SYT1: variants seen among roughly 807,000 people sequenced by gnomAD.
SYT1 encodes synaptotagmin 1.
Under a neutral mutation model 44.8 loss-of-function variants are expected in SYT1, and 8 were observed. The observed-to-expected ratio is 0.18, with a 90% CI of 0.10 to 0.32. SYT1 has a LOEUF of 0.32. Ranked by LOEUF, SYT1 falls within the 10% of genes least tolerant of loss-of-function variation. The pLI, the probability that SYT1 is intolerant of heterozygous loss-of-function variation, is 1.00. For missense variants in SYT1, 286 were observed against 509.3 expected (o/e 0.56, Z 4.22); for synonymous variants, 154 against 188.8 (o/e 0.82, Z 1.51).
chr12:79,331,259 TA>T (rs1390290112), intron 8 of SYT1, among the ~76,000 whole-genome samples: 1 of 152,188 alleles, frequency 6.6e-6, no homozygotes, highest in Non-Finnish European at 1.5e-5. Context: ...ACATTTTCTT[TA>T]AATTTTTCCC....
At chr12:79,268,189 A>G (rs891969184) in intron 4 of SYT1, among the ~76,000 whole-genome samples, 1 of 152,226 alleles carries the variant, frequency 6.6e-6, no homozygotes, top group African/African-American at 2.4e-5. Context: ...ATATCAAAAC[A>G]ATATGATATA....
intron 1 of SYT1, among the ~76,000 whole-genome samples, chr12:78,881,696 G>A (rs969829867): frequency 9.2e-5 from 14 of 151,410 alleles, no homozygotes; most frequent in Non-Finnish European, 1.6e-4. Flanking sequence ...AGTAACCTTC[G>A]CTTGGTAATT....
chr12:79,368,806 T>A (rs1307914329), intron 9 of SYT1, among the ~76,000 whole-genome samples: 1 of 152,204 alleles, frequency 6.6e-6, no homozygotes, highest in East Asian at 1.9e-4. Context: ...TAGCCCTTTG[T>A]CAGATGAGCA....
At position 79,180,143 on chromosome 12, in the gene SYT1, T is replaced by A. The variant is rs183684335; in HGVS notation, c.-17-37360T>A. Among the ~76,000 whole-genome samples the A allele has an allele frequency of 2.7e-4, 41 of 152,248 alleles. No individual in the cohort carries two copies. In the East Asian group the frequency reaches 4.5e-3, roughly 17 times the overall value. The stretch of plus-strand genomic sequence containing the variant: ...TGTCAGATATTGCCAAATTTCCCTC[T>A]ATTAGAAATTGTACCATTTTGCATT... On this transcript the variant is annotated intron_variant, in intron 3 of 10. Transcript: ENST00000261205.
chr12:78,986,283 A>G (rs1481949221), intron 2 of SYT1, among the ~76,000 whole-genome samples: 1 of 151,972 alleles, frequency 6.6e-6, no homozygotes, highest in Non-Finnish European at 1.5e-5. Context: ...CTTTTTGTAT[A>G]TCTCTGATAA....
Position 79,323,188 on chromosome 12 carries a change from C to T in SYT1, c.810+23637C>T, listed in dbSNP as rs116692510. Among the ~76,000 whole-genome samples, 1,118 of 151,722 alleles carry T rather than the reference C, an allele frequency of 7.4e-3. 14 individuals carry two copies. The highest frequency in any genetic ancestry group is 0.026 in the African/African-American group (1,068 of 41,368). ...GACCTATCACAGCAGGACATACTCT[C>T]TACAATTACTTTGACAAACAATGGT... On this transcript the variant is annotated intron_variant, in intron 8 of 10. Coordinates refer to ENST00000261205, the MANE Select transcript of SYT1 (RefSeq NM_005639.3).
chr12:78,936,268 C>T (rs1878052393), intron 1 of SYT1, among the ~76,000 whole-genome samples: 1 of 152,210 alleles, frequency 6.6e-6, no homozygotes, highest in South Asian at 2.1e-4. Flanking sequence ...ATTGTTTCCT[C>T]ATTTGTAACA....
At chr12:79,253,905 C>A (rs1877370782) in intron 4 of SYT1, among the ~76,000 whole-genome samples, 1 of 152,172 alleles carries the variant, frequency 6.6e-6, no homozygotes, top group African/African-American at 2.4e-5. Context: ...AAGATCCTAA[C>A]TCTCTTCACA....
At chr12:79,127,991 CAG>C (rs1398919466) in intron 3 of SYT1, among the ~76,000 whole-genome samples, 2 of 152,080 alleles carry the variant, frequency 1.3e-5, no homozygotes, top group African/African-American at 4.8e-5. Flanking sequence ...GACAGAAAAA[CAG>C]AAACAGTCAT....
chr12:79,117,465 A>G (rs1879337484), intron 3 of SYT1, among the ~76,000 whole-genome samples: 1 of 151,272 alleles, frequency 6.6e-6, no homozygotes, highest in Non-Finnish European at 1.5e-5. Flanking sequence ...TCACTCTTCA[A>G]GAGTAAACTC....
At chr12:79,080,166 T>C (rs560620682) in intron 3 of SYT1, among the ~76,000 whole-genome samples, 4 of 152,302 alleles carry the variant, frequency 2.6e-5, no homozygotes, top group African/African-American at 9.6e-5. Context: ...ATTAACTTAT[T>C]GGTCCTATAG....
chr12:79,100,121 C>T (rs374585080), intron 3 of SYT1, among the ~76,000 whole-genome samples: 25 of 151,988 alleles, frequency 1.6e-4, no homozygotes, highest in African/African-American at 2.4e-4. Context: ...TAATAACGAA[C>T]ATTTGGAGTG....
chr12:79,042,823 G>T (rs1445813364), intron 2 of SYT1, among the ~76,000 whole-genome samples: 2 of 151,308 alleles, frequency 1.3e-5, no homozygotes, highest in Non-Finnish European at 3.0e-5. Context: ...CTGGTATGTT[G>T]TGTCTTTGTT....
chr12:79,198,930 C>A (rs1470636166), intron 3 of SYT1, among the ~76,000 whole-genome samples: 1 of 152,144 alleles, frequency 6.6e-6, no homozygotes, highest in African/African-American at 2.4e-5. Context: ...TCAGACATTA[C>A]AGAGACAGGC....
chr12:79,109,236 C>T (rs140031361), intron 3 of SYT1, among the ~76,000 whole-genome samples: 2 of 152,320 alleles, frequency 1.3e-5, no homozygotes, highest in African/African-American at 4.8e-5. Context: ...TGCCAGGGAG[C>T]CCTTCCCACC....
At chr12:79,075,515 C>T (rs182116149) in intron 3 of SYT1, among the ~76,000 whole-genome samples, 6 of 152,176 alleles carry the variant, frequency 3.9e-5, no homozygotes, top group South Asian at 2.1e-4. Context: ...AACACAGAAT[C>T]GTCTTTTTCA....
chr12:79,292,163 T>C, intron 6 of SYT1, 33 bp downstream of exon 6: 2 of 1,588,682 alleles, frequency 1.3e-6, no homozygotes, highest in Non-Finnish European at 1.7e-6. Flanking sequence ...CTAATTCCAT[T>C]ACATTTTCTG....
At chr12:79,248,694 T>C (rs879763484) in intron 4 of SYT1, among the ~76,000 whole-genome samples, 22 of 152,090 alleles carry the variant, frequency 1.4e-4, no homozygotes, top group Non-Finnish European at 5.9e-5. Context: ...AAAATGCAAA[T>C]AGGCAAGAAA....
At chr12:79,290,308 C>T (rs894546850) in intron 5 of SYT1, among the ~76,000 whole-genome samples, 4 of 152,048 alleles carry the variant, frequency 2.6e-5, no homozygotes, top group African/African-American at 7.2e-5. Context: ...TGGAGTTAAC[C>T]GGGTGAAGCC....
Sources: allele counts gnomAD v4.1 joint callset (sites outside exome capture counted in the v4.1 genomes callset), GRCh38; gene constraint gnomAD v4.1.1; transcripts MANE v1.5; gene names NCBI Gene and HGNC (gene_info 2026-07-23, HGNC 2026-07-21).